Variants in USH2A observed in about 807,000 individuals in gnomAD.
The protein encoded by USH2A is Usher syndrome 2A (autosomal recessive, mild).
In USH2A, 443 loss-of-function variants were observed where a neutral mutation model predicts 538.9. The observed-to-expected ratio is 0.82, with a 90% CI of 0.76 to 0.89. The LOEUF (loss-of-function observed/expected upper bound fraction) is 0.89. Ranked by LOEUF, USH2A falls within the 40% of genes least tolerant of loss-of-function variation. USH2A has a pLI of 0.00. For missense variants in USH2A, 6,633 were observed against 6,324.8 expected (o/e 1.05, Z -1.65); for synonymous variants, 2,413 against 2,273.5 (o/e 1.06, Z -1.75).
At chr1:215,891,060 T>G (rs886117383) in intron 40 of USH2A, among the ~76,000 whole-genome samples, 2 of 152,218 alleles carry the variant, frequency 1.3e-5, no homozygotes, top group Non-Finnish European at 2.9e-5. Context: ...TGCAGTTTGT[T>G]CTCTGTGATT....
chr1:216,148,103 G>A (rs1330339347), intron 21 of USH2A, among the ~76,000 whole-genome samples: 7 of 151,792 alleles, frequency 4.6e-5, no homozygotes, highest in South Asian at 2.1e-4. Flanking sequence ...AGGTAAGCCC[G>A]TCCCCTTCTT....
intron 40 of USH2A, among the ~76,000 whole-genome samples, chr1:215,891,094 C>T (rs1665199075): frequency 6.6e-6 from 1 of 152,112 alleles, no homozygotes; most frequent in Non-Finnish European, 1.5e-5. Context: ...TTTATTTCTC[C>T]TGCATATGAT....
chr1:216,370,634 C>G (rs957935660), intron 3 of USH2A, among the ~76,000 whole-genome samples: 4 of 128,864 alleles, frequency 3.1e-5, no homozygotes, highest in Non-Finnish European at 4.7e-5. Flanking sequence ...GCCGAGATCG[C>G]GCCACTGCAC....
At chr1:215,914,110 G>A (rs1571808080) in intron 38 of USH2A, among the ~76,000 whole-genome samples, 1 of 120,588 alleles carries the variant, frequency 8.3e-6, no homozygotes. Context: ...GTCTCGCTCT[G>A]TCACCCAGGC....
At chr1:215,721,172 C>G (rs1193924803) in intron 61 of USH2A, among the ~76,000 whole-genome samples, 1 of 151,990 alleles carries the variant, frequency 6.6e-6, no homozygotes, top group Non-Finnish European at 1.5e-5. Context: ...CCTCCCGGGT[C>G]CAAGAAATTC....
chr1:216,231,249 T>TACA (rs1553318102), intron 14 of USH2A, among the ~76,000 whole-genome samples: 1 of 83,758 alleles, frequency 1.2e-5, no homozygotes, highest in South Asian at 3.6e-4. Flanking sequence ...TATATATATA[T>TACA]TATATATATA....
chr1:216,239,948 A>G (rs1332171361), intron 13 of USH2A, among the ~76,000 whole-genome samples: 1 of 148,898 alleles, frequency 6.7e-6, no homozygotes, highest in African/African-American at 2.5e-5. Flanking sequence ...CTAGGGGAAC[A>G]TTGTCAGTAA....
At chr1:215,948,750 C>T (rs1369321491) in intron 37 of USH2A, among the ~76,000 whole-genome samples, 1 of 151,878 alleles carries the variant, frequency 6.6e-6, no homozygotes, top group African/African-American at 2.4e-5. Context: ...CTAAAAATTT[C>T]AATAAGGATA....
intron 32 of USH2A, among the ~76,000 whole-genome samples, chr1:216,037,912 C>A (rs1171425287): frequency 6.6e-6 from 1 of 151,820 alleles, no homozygotes; most frequent in East Asian, 1.9e-4. Flanking sequence ...TCATTTAGCT[C>A]TCACTTATAA....
intron 21 of USH2A, among the ~76,000 whole-genome samples, chr1:216,107,654 A>T (rs1247416186): frequency 2.7e-4 from 40 of 146,574 alleles, no homozygotes; most frequent in African/African-American, 9.9e-4. Flanking sequence ...CCATCTTGCT[A>T]TTTGAATTCT....
intron 3 of USH2A, among the ~76,000 whole-genome samples, chr1:216,394,866 C>T (rs898766299): frequency 2.6e-5 from 4 of 151,570 alleles, no homozygotes; most frequent in Admixed American, 2.0e-4. Context: ...CTACAGGCGC[C>T]CGCCACCACG....
At chr1:215,978,655 T>C (rs1186129206) in intron 35 of USH2A, among the ~76,000 whole-genome samples, 3 of 152,168 alleles carry the variant, frequency 2.0e-5, no homozygotes, top group African/African-American at 7.2e-5. Context: ...ACAACAACTT[T>C]ATGCCAAACA....
chr1:216,199,773 G>A lies in USH2A; in HGVS notation c.3665C>T (p.Ala1222Val), dbSNP rs200081251. Reference protein sequence around the residue: ...PFAKYDFSVQACTSGGCLHSL... With the variant: ...PFAKYDFSVQVCTSGGCLHSL... Reference sequence around the variant, plus strand: ...GTGTAAACAGCCCCCGCTAGTACACGCCTGTACAGAAAAATCGTACTTGGC... The same window carrying A: ...GTGTAAACAGCCCCCGCTAGTACACACCTGTACAGAAAAATCGTACTTGGC... Residue 1222 changes from alanine to valine, a missense_variant, in exon 17 of 72, where the codon GCG becomes GTG. Physicochemically the swap from Ala to Val is moderately conservative, Grantham distance 64. Coordinates refer to ENST00000307340, the MANE Select transcript of USH2A (RefSeq NM_206933.4). 22 of 1,614,084 alleles carry A rather than the reference G, an allele frequency of 1.4e-5. No homozygotes were observed. The East Asian group carries it at 2.9e-4, about 21-fold the overall frequency.
intron 47 of USH2A, among the ~76,000 whole-genome samples, chr1:215,828,169 C>T (rs1243090719): frequency 4.6e-5 from 7 of 152,144 alleles, no homozygotes; most frequent in East Asian, 1.9e-4. Context: ...AGGGGGATGC[C>T]GGGTGCTGTG....
chr1:216,153,996 T>A (rs1273789431), intron 21 of USH2A, among the ~76,000 whole-genome samples: 1 of 152,222 alleles, frequency 6.6e-6, no homozygotes, highest in East Asian at 1.9e-4. Flanking sequence ...TTCTCACAGT[T>A]GAACTTAATA....
intron 61 of USH2A, among the ~76,000 whole-genome samples, chr1:215,723,312 T>C (rs139995105): frequency 6.6e-6 from 1 of 152,314 alleles, no homozygotes; most frequent in Non-Finnish European, 1.5e-5. Context: ...CCGCTGCTGC[T>C]GTTCCTGCCA....
intron 44 of USH2A, among the ~76,000 whole-genome samples, chr1:215,856,302 A>C (rs888578889): frequency 2.6e-5 from 4 of 152,230 alleles, no homozygotes; most frequent in African/African-American, 9.6e-5. Context: ...CAAAGGACTA[A>C]TATCCAGAAT....
intron 60 of USH2A, among the ~76,000 whole-genome samples, chr1:215,740,313 T>C (rs1660266589): frequency 6.6e-6 from 1 of 152,182 alleles, no homozygotes; most frequent in African/African-American, 2.4e-5. Context: ...GAGAGCAAAA[T>C]ATCCTTCAAA....
In USH2A at chr1:215,741,410, T is replaced by G. The variant is rs751029279; in HGVS notation, c.11676A>C (p.Lys3892Asn). Reference sequence around the variant, plus strand: ...AGTAGTTGATGATGATTCCATTTGGTTTTTCAGGTGGCATCCACTTAATCT... The same window carrying G: ...AGTAGTTGATGATGATTCCATTTGGGTTTTCAGGTGGCATCCACTTAATCT... The part of the protein sequence containing the change: ...CIEIKWMPPE[K>N]PNGIIINYFI... Residue 3892 changes from lysine to asparagine, a missense_variant, in exon 60 of 72, where the codon AAA becomes AAC. Transcript: ENST00000307340. 11 of 1,613,976 alleles carry G rather than the reference T, an allele frequency of 6.8e-6. No homozygotes were observed. The highest frequency in any genetic ancestry group is 8.5e-6 in the Non-Finnish European group (10 of 1,179,984).
Sources: allele counts gnomAD v4.1 joint callset (sites outside exome capture counted in the v4.1 genomes callset), GRCh38; gene constraint gnomAD v4.1.1; transcripts MANE v1.5; gene names NCBI Gene and HGNC (gene_info 2026-07-23, HGNC 2026-07-21).